The following KYNU variants were observed in gnomAD, a reference collection of about 807,000 sequenced individuals.
The protein encoded by KYNU is L-kynurenine hydrolase.
A neutral mutation model predicts 59.2 loss-of-function variants in KYNU; 54 were observed. That is an observed-to-expected ratio of 0.91 (90% confidence interval 0.73 to 1.14). The LOEUF (loss-of-function observed/expected upper bound fraction) is 1.14, where lower values mean the gene tolerates loss of function less well. KYNU is among the 50% of genes most tolerant of loss of function. KYNU has a pLI of 0.00. For synonymous variants in KYNU, 177 were observed against 192.0 expected (o/e 0.92, Z 0.65); for missense variants, 567 against 554.4 (o/e 1.02, Z -0.23).
Position 143,053,948 on chromosome 2 carries a change from G to C in KYNU, c.*11776G>C, listed in dbSNP as rs1442978445. 3 of 152,194 alleles carry C rather than the reference G, an allele frequency of 2.0e-5. No homozygotes were observed. Among genetic ancestry groups the C allele is most frequent in the Non-Finnish European group, 4.4e-5 (3 of 68,030 alleles). The allele number at this position is 152,194 out of a possible 1,614,324, so 9.4% of individuals were successfully genotyped here. On this transcript the variant is annotated 3_prime_UTR_variant, in exon 14 of 14. Coordinates refer to ENST00000264170, the MANE Select transcript of KYNU (RefSeq NM_003937.3). Reference sequence around the variant, plus strand: ...TGATATCTCCAGGTATATCATGTCAGAATTGAATTCAATTAGAGGATACCT... The same window carrying C: ...TGATATCTCCAGGTATATCATGTCACAATTGAATTCAATTAGAGGATACCT...
intron 10 of KYNU, among the ~76,000 whole-genome samples, chr2:143,024,279 T>C (rs1392226198): frequency 2.0e-5 from 3 of 152,106 alleles, no homozygotes; most frequent in South Asian, 2.1e-4. Flanking sequence ...TTTTTACACT[T>C]TCACATATCA....
At chr2:143,006,132 C>A (rs1050889938) in intron 10 of KYNU, among the ~76,000 whole-genome samples, 1 of 152,124 alleles carries the variant, frequency 6.6e-6, no homozygotes, top group Non-Finnish European at 1.5e-5. Context: ...TTCTGCATTT[C>A]CATCTGAGGT....
rs1687168743 is a variant in KYNU, at chr2:143,046,648, G to GT, written c.*4482dup. On this transcript the variant is annotated 3_prime_UTR_variant, in exon 14 of 14. Coordinates refer to ENST00000264170, the MANE Select transcript of KYNU (RefSeq NM_003937.3). ...TACTTTCACACTGGCTAATTTGCTT[G>GT]TTTTTTCATCAATACTTCACTTCCT... is the stretch of plus-strand genomic sequence containing the variant. The GT allele has an allele frequency of 1.3e-5, 2 of 150,936 alleles. No homozygotes were observed. The highest frequency in any genetic ancestry group is 2.1e-4 in the South Asian group (1 of 4,754). The allele number at this position is 150,936 out of a possible 1,614,324, so 9.3% of individuals were successfully genotyped here. A position where few individuals can be genotyped will look rare whatever the true frequency, so the allele number is the denominator to read the frequency against.
chr2:142,892,217 T>C (rs922849886), intron 2 of KYNU, among the ~76,000 whole-genome samples: 1 of 152,248 alleles, frequency 6.6e-6, no homozygotes, highest in African/African-American at 2.4e-5. Flanking sequence ...CTGGCCAATA[T>C]TGGGAGCCTT....
chr2:143,038,167 A>C (rs1377815578), intron 12 of KYNU, among the ~76,000 whole-genome samples: 1 of 152,230 alleles, frequency 6.6e-6, no homozygotes, highest in Non-Finnish European at 1.5e-5. Context: ...GATACTTCAC[A>C]TATCGATTGC....
intron 4 of KYNU, among the ~76,000 whole-genome samples, chr2:142,941,349 A>G (rs553162545): frequency 2.2e-4 from 33 of 152,350 alleles, no homozygotes; most frequent in Admixed American, 4.6e-4. Context: ...TTCTTGTTAT[A>G]ACACACCTAT....
intron 4 of KYNU, chr2:142,947,280 A>C: frequency 6.6e-7 from 1 of 1,511,656 alleles, no homozygotes; most frequent in Non-Finnish European, 8.9e-7. Context: ...AGACAAATTC[A>C]CTTAAAACTC....
intron 10 of KYNU, among the ~76,000 whole-genome samples, chr2:143,007,106 T>C (rs1685932630): frequency 2.0e-5 from 3 of 152,096 alleles, no homozygotes; most frequent in East Asian, 1.9e-4. Context: ...ATCAAATTAC[T>C]CTGAGCTATG....
At chr2:142,999,651 C>A (rs1273191200) in intron 10 of KYNU, among the ~76,000 whole-genome samples, 1 of 151,806 alleles carries the variant, frequency 6.6e-6, no homozygotes. Flanking sequence ...TAATGTTTTT[C>A]AAAACTTTAG....
chr2:142,950,065 G>A (rs1683936847), intron 4 of KYNU, among the ~76,000 whole-genome samples: 2 of 152,286 alleles, frequency 1.3e-5, no homozygotes, highest in Middle Eastern at 3.4e-3. Flanking sequence ...CATAACAAGA[G>A]TCACCTTTGC....
At chr2:142,929,784 T>C (rs950010020) in intron 4 of KYNU, among the ~76,000 whole-genome samples, 2 of 152,150 alleles carry the variant, frequency 1.3e-5, no homozygotes, top group Non-Finnish European at 2.9e-5. Context: ...GAAAGGAGTG[T>C]CTGGAGGAAG....
chr2:143,001,223 C>G (rs752573308), intron 10 of KYNU, among the ~76,000 whole-genome samples: 1 of 152,062 alleles, frequency 6.6e-6, no homozygotes, highest in African/African-American at 2.4e-5. Flanking sequence ...TAAGAGTCTG[C>G]CTACCACAAT....
Position 142,922,413 on chromosome 2 carries a change from G to GAGGAT in KYNU, c.290+3685_290+3689dup, listed in dbSNP as rs149557573. On this transcript the variant is annotated intron_variant, in intron 3 of 13. Coordinates refer to ENST00000264170, the MANE Select transcript of KYNU (RefSeq NM_003937.3). ...CCAGCTATTCGTGAGGTTGAGGTGG[G>GAGGAT]AGGATCGCTTGAGCCTGGAATGTGG... is the stretch of plus-strand genomic sequence containing the variant. Among the ~76,000 whole-genome samples, 1,160 of 152,230 alleles carry GAGGAT rather than the reference G, an allele frequency of 7.6e-3. 7 individuals carry two copies. Among genetic ancestry groups the GAGGAT allele is most frequent in the African/African-American group, 0.027 (1,112 of 41,538 alleles).
chr2:143,030,395 G>T (rs1395823239), intron 11 of KYNU, among the ~76,000 whole-genome samples: 1 of 152,174 alleles, frequency 6.6e-6, no homozygotes, highest in Non-Finnish European at 1.5e-5. Flanking sequence ...TACGTGCTTT[G>T]AGAGTTCAAC....
In KYNU at chr2:143,055,031, A is replaced by AT. The variant is rs1687331050; in HGVS notation, c.*12859_*12860insT. The AT allele has an allele frequency of 6.6e-6, 1 of 152,156 alleles. No homozygotes were observed. Among genetic ancestry groups the AT allele is most frequent in the Non-Finnish European group, 1.5e-5 (1 of 68,042 alleles). 9.4% of individuals were successfully genotyped at this position (152,156 alleles called of 1,614,324 possible). A position where few individuals can be genotyped will look rare whatever the true frequency, so the allele number is the denominator to read the frequency against. On this transcript the variant is annotated 3_prime_UTR_variant, in exon 14 of 14. Coordinates refer to ENST00000264170, the MANE Select transcript of KYNU (RefSeq NM_003937.3). ...TTCATATTTCTATATATATATACCA[A>AT]GTACATAGGAGTGAAATAATACAAA...
intron 8 of KYNU, 101 bp downstream of exon 8, chr2:142,960,871 G>T: frequency 1.6e-5 from 19 of 1,159,728 alleles, no homozygotes; most frequent in Non-Finnish European, 2.1e-5. Context: ...TTGTGTCTGA[G>T]TAAAACTATT....
Position 143,053,128 on chromosome 2 carries a change from G to T in KYNU, c.*10956G>T, listed in dbSNP as rs766901424. The stretch of plus-strand genomic sequence containing the variant: ...CTTTCATGGGGCCTGTAGCCCCTTC[G>T]TTTTGGCCAATGCCTCCCATTTGGA... On this transcript the variant is annotated 3_prime_UTR_variant, in exon 14 of 14. Coordinates refer to ENST00000264170, the MANE Select transcript of KYNU (RefSeq NM_003937.3). 6.6e-6 allele frequency: 1 copy of T among 152,246 alleles called. No individual in the cohort carries two copies. Among genetic ancestry groups the T allele is most frequent in the Non-Finnish European group, 1.5e-5 (1 of 68,068 alleles). 9.4% of individuals were successfully genotyped at this position (152,246 alleles called of 1,614,324 possible).
intron 5 of KYNU, among the ~76,000 whole-genome samples, chr2:142,955,872 T>G (rs1416398109): frequency 6.6e-6 from 1 of 152,108 alleles, no homozygotes; most frequent in East Asian, 1.9e-4. Context: ...GGAAGATAAT[T>G]TGTCAATTAA....
intron 4 of KYNU, chr2:142,947,361 A>G: frequency 1.2e-6 from 1 of 840,500 alleles, no homozygotes; most frequent in East Asian, 2.7e-5. Flanking sequence ...CTTCAAGCTT[A>G]CTGTACTGTG....
Sources: allele counts gnomAD v4.1 joint callset (sites outside exome capture counted in the v4.1 genomes callset), GRCh38; gene constraint gnomAD v4.1.1; transcripts MANE v1.5; gene names NCBI Gene and HGNC (gene_info 2026-07-23, HGNC 2026-07-21).